The following CADM2 variants were observed in gnomAD, a reference collection of about 807,000 sequenced individuals.
CADM2 encodes immunoglobulin superfamily member 4D.
In CADM2, 12 loss-of-function variants were observed where a neutral mutation model predicts 49.8. The observed-to-expected ratio is 0.24, with a 90% confidence interval of 0.15 to 0.39. The LOEUF (loss-of-function observed/expected upper bound fraction) is 0.39. Ranked by LOEUF, CADM2 falls within the 10% of genes least tolerant of loss-of-function variation. CADM2 has a pLI of 1.00. For missense variants in CADM2, 378 were observed against 492.3 expected, an observed-to-expected ratio of 0.77 and a Z score of 2.20; for synonymous variants, 214 against 175.4, an observed-to-expected ratio of 1.22 and a Z score of -1.74.
intron 1 of CADM2, among the ~76,000 whole-genome samples, chr3:85,535,432 A>G (rs1454945660): frequency 6.6e-6 from 1 of 152,162 alleles, no homozygotes; most frequent in Admixed American, 6.5e-5. Context: ...ACATCTGGGA[A>G]CGTTGATTTC....
chr3:85,145,056 C>A (rs1575973387), intron 1 of CADM2, among the ~76,000 whole-genome samples: 1 of 152,146 alleles, frequency 6.6e-6, no homozygotes, highest in Non-Finnish European at 1.5e-5. Context: ...CACTGGAGAC[C>A]AATTTCCAAT....
chr3:85,837,623 G>T (rs966827274), intron 3 of CADM2, among the ~76,000 whole-genome samples: 3 of 151,438 alleles, frequency 2.0e-5, no homozygotes, highest in Non-Finnish European at 4.4e-5. Context: ...CATTTTTGAC[G>T]TTCAATACAC....
intron 1 of CADM2, among the ~76,000 whole-genome samples, chr3:84,985,584 C>T (rs1296406913): frequency 6.6e-6 from 1 of 152,054 alleles, no homozygotes; most frequent in Non-Finnish European, 1.5e-5. Flanking sequence ...AAGAAACGTG[C>T]ATTCATTGAT....
intron 1 of CADM2, among the ~76,000 whole-genome samples, chr3:85,293,330 T>A (rs1226251517): frequency 1.2e-4 from 18 of 151,144 alleles, no homozygotes; most frequent in Non-Finnish European, 4.4e-5. Flanking sequence ...CAGGACCAGA[T>A]GGATTCACAG....
intron 8 of CADM2, chr3:86,013,306 C>CTAT: frequency 6.5e-7 from 1 of 1,542,100 alleles, no homozygotes; most frequent in African/African-American, 1.4e-5. Context: ...TTACCTCTAT[C>CTAT]CCTTGAAGAG....
intron 1 of CADM2, among the ~76,000 whole-genome samples, chr3:85,541,765 ATT>A (rs755727450): frequency 3.4e-4 from 27 of 78,312 alleles, no homozygotes; most frequent in African/African-American, 5.8e-4. Context: ...TTATATATAT[ATT>A]TTATATTTTA....
chr3:85,502,479 G>A (rs560366174), intron 1 of CADM2, among the ~76,000 whole-genome samples: 5 of 151,528 alleles, frequency 3.3e-5, no homozygotes, highest in African/African-American at 4.8e-5. Context: ...CATATATATT[G>A]TTAAAAAAAA....
intron 6 of CADM2, among the ~76,000 whole-genome samples, chr3:85,923,009 GAGAC>G (rs1719341206): frequency 6.6e-6 from 1 of 151,856 alleles, no homozygotes; most frequent in Non-Finnish European, 1.5e-5. Flanking sequence ...TTTTTTAGTA[GAGAC>G]AGGGTTTCAC....
At chr3:86,012,529 G>C in intron 8 of CADM2, 1 of 1,371,706 alleles carries the variant, frequency 7.3e-7, no homozygotes, top group Non-Finnish European at 9.8e-7. Flanking sequence ...GGCCGGGAGC[G>C]GAGGGCTGGG....
At chr3:85,033,644 A>T (rs1429484875) in intron 1 of CADM2, among the ~76,000 whole-genome samples, 1 of 152,190 alleles carries the variant, frequency 6.6e-6, no homozygotes, top group East Asian at 1.9e-4. Flanking sequence ...AAGGGAAACT[A>T]TGTAGTAGAG....
intron 1 of CADM2, among the ~76,000 whole-genome samples, chr3:85,360,466 G>C (rs1439363204): frequency 1.3e-5 from 2 of 151,926 alleles, no homozygotes; most frequent in African/African-American, 4.8e-5. Context: ...TCTTATTTTT[G>C]GATTCATGTA....
chr3:86,063,105 C>T (rs929482753), intron 8 of CADM2, among the ~76,000 whole-genome samples: 1 of 152,128 alleles, frequency 6.6e-6, no homozygotes, highest in Non-Finnish European at 1.5e-5. Context: ...CACCTCGTTT[C>T]CTTTACACAA....
chr3:84,989,021 A>G (rs1223929173), intron 1 of CADM2, among the ~76,000 whole-genome samples: 1 of 152,172 alleles, frequency 6.6e-6, no homozygotes, highest in Non-Finnish European at 1.5e-5. Flanking sequence ...ACAGAACAGT[A>G]TCCAGTTAAG....
rs146091861 is a variant in CADM2 at position 85,932,901 on chromosome 3, G to A, written c.701-2866G>A. On this transcript the variant is annotated intron_variant, in intron 6 of 9. Transcript: ENST00000383699. Reference sequence around the variant, plus strand: ...ATTCCTGAGAGTTGTATGGAAATATGTGTTAAGTATATTATCTGCTTTGGC... The same window carrying A: ...ATTCCTGAGAGTTGTATGGAAATATATGTTAAGTATATTATCTGCTTTGGC... 4.0e-3 allele frequency among the ~76,000 whole-genome samples: 605 copies of A among 152,218 alleles called. 2 individuals carry two copies. The highest frequency in any genetic ancestry group is 0.034 in the Middle Eastern group (10 of 294).
At chr3:85,698,329 G>A (rs1282670302) in intron 1 of CADM2, among the ~76,000 whole-genome samples, 3 of 152,150 alleles carry the variant, frequency 2.0e-5, no homozygotes, top group African/African-American at 7.2e-5. Context: ...GAAGTCTCAG[G>A]TTTTCAAGAA....
intron 3 of CADM2, among the ~76,000 whole-genome samples, chr3:85,822,909 A>G (rs943276378): frequency 1.3e-5 from 2 of 152,178 alleles, no homozygotes; most frequent in South Asian, 4.1e-4. Flanking sequence ...TGTCATAAAT[A>G]ATTGTAGAAA....
intron 1 of CADM2, among the ~76,000 whole-genome samples, chr3:85,612,724 A>T (rs1293809951): frequency 6.6e-6 from 1 of 151,806 alleles, no homozygotes; most frequent in Non-Finnish European, 1.5e-5. Flanking sequence ...ACTTAGTAAT[A>T]TGTTTGTCAT....
At chr3:85,693,566 CAAAAAAAA>C (rs562723713) in intron 1 of CADM2, among the ~76,000 whole-genome samples, 1 of 76,124 alleles carries the variant, frequency 1.3e-5, no homozygotes, top group Admixed American at 1.6e-4. Flanking sequence ...GGCGAAAGAG[CAAAAAAAA>C]AAAAAAAAAA....
chr3:85,378,905 TA>T (rs1228685392), intron 1 of CADM2, among the ~76,000 whole-genome samples: 1 of 151,812 alleles, frequency 6.6e-6, no homozygotes, highest in Non-Finnish European at 1.5e-5. Context: ...ATTATAAAAA[TA>T]AAGTGACAAA....
Sources: gnomAD v4.1 joint callset for allele counts (sites outside exome capture counted in the v4.1 genomes callset) on GRCh38, gnomAD v4.1.1 for gene constraint, MANE v1.5 for transcripts, NCBI Gene and HGNC (gene_info 2026-07-23, HGNC 2026-07-21) for gene names.